HSD11B1: variants seen among roughly 807,000 people sequenced by gnomAD.
The protein encoded by HSD11B1 is hydroxysteroid 11-beta dehydrogenase 1.
HSD11B1 carries 15 observed loss-of-function variants against 22.1 expected under a neutral mutation model. The ratio of observed to expected loss-of-function variants is 0.68; its 90% CI spans 0.45 to 1.04. The LOEUF is 1.04. Among genes scored for constraint, HSD11B1 ranks in the 50% least tolerant of loss-of-function variants. The pLI is 0.00. For missense variants in HSD11B1, 281 were observed against 357.6 expected (o/e 0.79, Z 1.73); for synonymous variants, 122 against 125.2 (o/e 0.97, Z 0.17).
In HSD11B1 at chr1:209,710,262, C is replaced by T. The variant is rs556621379; in HGVS notation, c.517+3134C>T. ...AGAAAAGTAAAGTTGGTTTCATTTT[C>T]GGGCTCCTGGGCTTGGTGAATCCCA... On this transcript the variant is annotated intron_variant, in intron 4 of 5. Coordinates refer to ENST00000367027, the MANE Select transcript of HSD11B1 (RefSeq NM_005525.4). 5.9e-5 allele frequency among the ~76,000 whole-genome samples: 9 copies of T among 152,262 alleles called. No homozygotes were observed. In the South Asian group the frequency reaches 1.5e-3, roughly 25 times the overall value.
In HSD11B1 at chr1:209,706,065, C is replaced by G. The variant is rs2076857099; in HGVS notation, c.219+124C>G. On this transcript the variant is annotated intron_variant, in intron 2 of 5. Transcript: ENST00000367027. The surrounding 1 kb of genome is among the most constrained non-coding windows in gnomAD (Gnocchi z 4.0). ...ATATACAGAGGCACATGCACACACA[C>G]AGACACTTAATTTTGCACTCTCATA... The G allele has an allele frequency of 3.1e-6, 4 of 1,276,840 alleles. No homozygotes were observed. The East Asian group carries it at 7.2e-5, about 23-fold the overall frequency. The allele number at this position is 1,276,840 out of a possible 1,614,324, so 79.1% of individuals were successfully genotyped here.
At chr1:209,733,710 G>A (rs2077049513) in intron 5 of HSD11B1, among the ~76,000 whole-genome samples, 1 of 152,136 alleles carries the variant, frequency 6.6e-6, no homozygotes, top group Admixed American at 6.5e-5. Context: ...GCTCTTTGAA[G>A]AGTAATTGAG....
At chr1:209,701,335 AC>A (rs540578572), upstream of HSD11B1, among the ~76,000 whole-genome samples, 358 of 152,206 alleles carry the variant, frequency 2.4e-3, 6 homozygotes, top group African/African-American at 8.3e-3. Context: ...AAAAGTGGAA[AC>A]CCCTGATAAA....
chr1:209,694,641 A>G (rs1232738173), intron 1 of HSD11B1, among the ~76,000 whole-genome samples: 1 of 152,204 alleles, frequency 6.6e-6, no homozygotes, highest in Admixed American at 6.5e-5. Context: ...GAAGCAGAGA[A>G]ATGTGCTGAT....
Position 209,689,880 on chromosome 1 carries a change from C to T in HSD11B1, c.-49+3595C>T, listed in dbSNP as rs139076968. On this transcript the variant is annotated intron_variant, in intron 1 of 6. Transcript: ENST00000261465. Reference sequence around the variant, plus strand: ...AAGACACCGGGCATGGGACAAAAGCCTTAGATACTGGAGACCTCAAGAGAG... The same window carrying T: ...AAGACACCGGGCATGGGACAAAAGCTTTAGATACTGGAGACCTCAAGAGAG... 3.0e-3 allele frequency among the ~76,000 whole-genome samples: 456 copies of T among 152,260 alleles called. 3 individuals are homozygous for T. Among genetic ancestry groups the T allele is most frequent in the African/African-American group, 0.01 (421 of 41,556 alleles).
At chr1:209,732,092 A>T (rs1016217954) in intron 4 of HSD11B1, among the ~76,000 whole-genome samples, 1 of 152,202 alleles carries the variant, frequency 6.6e-6, no homozygotes, top group Admixed American at 6.5e-5. Context: ...GGCAGAGATA[A>T]CTAGTCAAAC....
chr1:209,695,021 TC>T (rs1409844128), intron 1 of HSD11B1, among the ~76,000 whole-genome samples: 1 of 152,130 alleles, frequency 6.6e-6, no homozygotes, highest in East Asian at 1.9e-4. Context: ...TTATGGGGGT[TC>T]CCCCATAATC....
intron 4 of HSD11B1, among the ~76,000 whole-genome samples, chr1:209,713,347 T>A (rs2076910158): frequency 6.6e-6 from 1 of 152,244 alleles, no homozygotes; most frequent in Non-Finnish European, 1.5e-5. Flanking sequence ...ATTTTTGTTT[T>A]TAGCTTCATA....
chr1:209,698,167 T>TAGATTAGA (rs2076803783), intron 1 of HSD11B1, among the ~76,000 whole-genome samples: 1 of 146,592 alleles, frequency 6.8e-6, no homozygotes, highest in Non-Finnish European at 1.5e-5. Flanking sequence ...GATAGATAGA[T>TAGATTAGA]TAGATAGATA....
At chr1:209,699,098 G>A in intron 1 of HSD11B1, among the ~76,000 whole-genome samples, 1 of 152,162 alleles carries the variant, frequency 6.6e-6, no homozygotes, top group African/African-American at 2.4e-5. Context: ...ACACATGAGG[G>A]AGGAGAACAG....
rs151099163 is a variant in HSD11B1 at position 209,720,143 on chromosome 1, CA to C, written c.518-12290del. On this transcript the variant is annotated intron_variant, in intron 4 of 5. Coordinates refer to ENST00000367027, the MANE Select transcript of HSD11B1 (RefSeq NM_005525.4). ...TTTTTTTTAAGTACCACCCGAAAAACAAACTTACTGATTATGACAGGGAAAA... is the reference window on the plus strand; with the variant it reads ...TTTTTTTTAAGTACCACCCGAAAAACAACTTACTGATTATGACAGGGAAAA... Among the ~76,000 whole-genome samples, 1,469 of 152,128 alleles carry C rather than the reference CA, an allele frequency of 9.7e-3. 33 individuals are homozygous for C. Among genetic ancestry groups the C allele is most frequent in the East Asian group, 0.092 (474 of 5,178 alleles).
intron 1 of HSD11B1, among the ~76,000 whole-genome samples, chr1:209,695,337 TAGG>T (rs1413287456): frequency 6.6e-6 from 1 of 152,114 alleles, no homozygotes; most frequent in African/African-American, 2.4e-5. Context: ...TAGAGATACT[TAGG>T]AGGTAGAATC....
intron 1 of HSD11B1, among the ~76,000 whole-genome samples, chr1:209,693,945 C>T (rs1193781861): frequency 6.6e-6 from 1 of 152,132 alleles, no homozygotes; most frequent in Non-Finnish European, 1.5e-5. Flanking sequence ...CACTTCTCAC[C>T]TTCCTTGACC....
chr1:209,734,795 TATA>T lies in HSD11B1; in HGVS notation c.*281_*283del, dbSNP rs1196083965. 9.8e-6 allele frequency: 2 copies of T among 204,554 alleles called. No individual in the cohort carries two copies. The highest frequency in any genetic ancestry group is 2.0e-5 in the Non-Finnish European group (2 of 100,124). The allele number at this position is 204,554 out of a possible 1,614,324, so 12.7% of individuals were successfully genotyped here. A position where few individuals can be genotyped will look rare whatever the true frequency, so the allele number is the denominator to read the frequency against. On this transcript the variant is annotated 3_prime_UTR_variant, in exon 6 of 6. Coordinates refer to ENST00000367027, the MANE Select transcript of HSD11B1 (RefSeq NM_005525.4). ...AGTTATATTAAATTTATATCTTATA[TATA>T]ATAATATGTGATGATTAATACAATA...
At chr1:209,727,891 C>A (rs1388760334) in intron 4 of HSD11B1, among the ~76,000 whole-genome samples, 1 of 152,200 alleles carries the variant, frequency 6.6e-6, no homozygotes, top group Non-Finnish European at 1.5e-5. Context: ...CTTACATGAC[C>A]TTTTCATTCA....
chr1:209,733,604 G>A (rs1451014673), intron 5 of HSD11B1, among the ~76,000 whole-genome samples: 1 of 152,042 alleles, frequency 6.6e-6, no homozygotes, highest in Non-Finnish European at 1.5e-5. Flanking sequence ...GAGCAGGTGT[G>A]GAATATAAGG....
At chr1:209,726,160 A>G (rs1198706531) in intron 4 of HSD11B1, among the ~76,000 whole-genome samples, 1 of 151,682 alleles carries the variant, frequency 6.6e-6, no homozygotes, top group African/African-American at 2.4e-5. Flanking sequence ...ACATGCCTGT[A>G]GTCCCAGCTA....
chr1:209,705,748 G>A, intron 1 of HSD11B1, 63 bp from the exon 2 acceptor site: 1 of 1,606,286 alleles, frequency 6.2e-7, no homozygotes. Flanking sequence ...TATATCCAGA[G>A]AGGGAGAAGG....
At chr1:209,696,424 C>T (rs531182727) in intron 1 of HSD11B1, among the ~76,000 whole-genome samples, 1 of 152,058 alleles carries the variant, frequency 6.6e-6, no homozygotes, top group Non-Finnish European at 1.5e-5. Context: ...GTTTAGGAGG[C>T]CCTCAGAAGG....
Sources: allele counts gnomAD v4.1 joint callset (sites outside exome capture counted in the v4.1 genomes callset), GRCh38; gene constraint gnomAD v4.1.1; non-coding constraint Gnocchi (gnomAD v3.1); transcripts MANE v1.5; gene names NCBI Gene and HGNC (gene_info 2026-07-23, HGNC 2026-07-21).